The following ARHGAP21 variants were observed in gnomAD, a reference collection of about 807,000 sequenced individuals.
The protein encoded by ARHGAP21 is rho GTPase-activating protein 21.
In ARHGAP21, 38 loss-of-function variants were observed where a neutral mutation model predicts 164.6. That is an observed-to-expected ratio of 0.23 (90% CI 0.18 to 0.30). ARHGAP21 has a LOEUF of 0.30. Among genes scored for constraint, ARHGAP21 ranks in the 10% least tolerant of loss-of-function variants. The pLI is 1.00. For missense variants in ARHGAP21, 1,822 were observed against 2,370.7 expected, an observed-to-expected ratio of 0.77 and a Z score of 4.81; for synonymous variants, 766 against 857.9, an observed-to-expected ratio of 0.89 and a Z score of 1.87.
rs192096148 is a variant in ARHGAP21, at chr10:24,636,033, G to A, written c.269-930C>T. Among the ~76,000 whole-genome samples the A allele has an allele frequency of 1.0e-3, 153 of 152,284 alleles. 1 individual carries two copies. The highest frequency in any genetic ancestry group is 3.6e-3 in the African/African-American group (150 of 41,548). On this transcript the variant is annotated intron_variant, in intron 4 of 25. Coordinates refer to ENST00000396432, the MANE Select transcript of ARHGAP21 (RefSeq NM_020824.4). ...CAATGAGGAGAGCATGATCAACCCC[G>A]TAAGTCAGAATTTCACAAGCTGTTT...
chr10:24,635,415 T>C (rs971493077), intron 4 of ARHGAP21, among the ~76,000 whole-genome samples: 3 of 152,226 alleles, frequency 2.0e-5, no homozygotes, highest in Admixed American at 2.0e-4. Context: ...GTACTACTAC[T>C]ACCATTCATA....
chr10:24,585,019 T>C lies in ARHGAP21; in HGVS notation c.5270A>G (p.Gln1757Arg), dbSNP rs778138919. 2.5e-6 allele frequency: 4 copies of C among 1,613,876 alleles called. No individual in the cohort carries two copies. The highest frequency in any genetic ancestry group is 1.1e-5 in the South Asian group (1 of 91,084). The change falls in exon 26 of 26, where the codon CAG becomes CGG. Residue 1757 changes from glutamine to arginine, a missense_variant. Physicochemically the swap from Gln to Arg is conservative, Grantham distance 43. Around this residue, in one of 5 missense-constraint regions of ARHGAP21, gnomAD observed 117 missense variants for 193.2 expected, o/e 0.61. Transcript: ENST00000396432. The stretch of plus-strand genomic sequence containing the variant: ...TATTTTCGTTTTCCATGTGGGTTCC[T>C]GTTTTTCGGATTCGCCTCTGGTGGG... Reference protein sequence around the residue: ...LTPTRGESEKQEPTWKTKIAD... With the variant: ...LTPTRGESEKREPTWKTKIAD...
intron 4 of ARHGAP21, among the ~76,000 whole-genome samples, chr10:24,644,647 C>T (rs1441856442): frequency 2.0e-5 from 3 of 152,162 alleles, no homozygotes; most frequent in African/African-American, 7.2e-5. Flanking sequence ...AAATTTTCCA[C>T]TCCCCTTGCC....
chr10:24,664,723 C>CTTTT (rs10643427), intron 4 of ARHGAP21, among the ~76,000 whole-genome samples: 124,884 of 151,428 alleles, frequency 0.82, 51,803 homozygotes, highest in African/African-American at 0.92. Flanking sequence ...GCCATAAACC[C>CTTTT]TTGAGTGAAA....
chr10:24,595,072 G>A lies in ARHGAP21; in HGVS notation c.3787-33C>T, dbSNP rs545302973. 1.1e-5 allele frequency: 18 copies of A among 1,606,316 alleles called. No homozygotes were observed. The South Asian group carries it at 2.0e-4, about 18-fold the overall frequency. On this transcript the variant is annotated intron_variant, in intron 20 of 25. Coordinates refer to ENST00000396432, the MANE Select transcript of ARHGAP21 (RefSeq NM_020824.4). ...AGATTATTTTCACAATGGATTCAGA[G>A]GCTGAATTTTAGTTGTATCCCCCAA...
At chr10:24,610,014 C>T (rs2077185397) in intron 9 of ARHGAP21, among the ~76,000 whole-genome samples, 1 of 152,172 alleles carries the variant, frequency 6.6e-6, no homozygotes, top group African/African-American at 2.4e-5. Context: ...TTATGAACTA[C>T]TGGGGTTACA....
intron 2 of ARHGAP21, among the ~76,000 whole-genome samples, chr10:24,688,736 G>A (rs1036378736): frequency 3.9e-5 from 6 of 152,154 alleles, no homozygotes; most frequent in East Asian, 1.9e-4. Context: ...GCTATTTCCA[G>A]GAGAGCAAGG....
At position 24,641,665 on chromosome 10, in the gene ARHGAP21, C is replaced by T. The variant is rs182788109; in HGVS notation, c.269-6562G>A. Among the ~76,000 whole-genome samples the T allele has an allele frequency of 4.2e-3, 646 of 152,282 alleles. 4 individuals carry two copies. The highest frequency in any genetic ancestry group is 5.7e-3 in the Non-Finnish European group (391 of 68,022). On this transcript the variant is annotated intron_variant, in intron 4 of 25. Coordinates refer to ENST00000396432, the MANE Select transcript of ARHGAP21 (RefSeq NM_020824.4). ...CAAACCATGTTCTAACTGAATCATGCTAACCTTTCTTTCAACCCACACCTC... is the reference window on the plus strand; with the variant it reads ...CAAACCATGTTCTAACTGAATCATGTTAACCTTTCTTTCAACCCACACCTC...
Position 24,585,856 on chromosome 10 carries a change from CT to C in ARHGAP21, c.4432del (p.Ser1478AlafsTer16). The C allele has an allele frequency of 6.2e-7, 1 of 1,613,972 alleles. No individual in the cohort carries two copies. The highest frequency in any genetic ancestry group is 8.5e-7 in the Non-Finnish European group (1 of 1,179,878). ...TGTCGTGCTGGGGTCTTTCCTAGTG[CT>C]GTTTTCTTTGGCAATGATGATCTTC... ...KQKIIIAKEN[S>X]TRKDPSTTKD... On this transcript the variant is annotated frameshift_variant, in exon 26 of 26. Coordinates refer to ENST00000396432, the MANE Select transcript of ARHGAP21 (RefSeq NM_020824.4). LOFTEE classifies it low-confidence loss of function (END_TRUNC).
chr10:24,635,088 C>T lies in ARHGAP21; in HGVS notation c.284G>A (p.Arg95His), dbSNP rs781204657. 54 of 1,590,900 alleles carry T rather than the reference C, an allele frequency of 3.4e-5. 1 individual carries two copies. Among genetic ancestry groups the T allele is most frequent in the Middle Eastern group, 1.7e-4 (1 of 5,816 alleles). Residue 95 changes from arginine to histidine, a missense_variant, in exon 5 of 26, where the codon CGC becomes CAC. By Grantham distance (29) the Arg-to-His change is conservative. Transcript: ENST00000396432. ...NGNRGGKQRN[R>H]LEPMDTIFVK... ...AAATATGGTATCCATTGGTTCCAAG[C>T]GGTTTCTTTGTTTTCCTGTTACAGA...
In ARHGAP21 at chr10:24,722,056, T is replaced by G; in HGVS notation, c.-157A>C. 1 of 730,378 alleles carries G rather than the reference T, an allele frequency of 1.4e-6. No individual in the cohort carries two copies. The highest frequency in any genetic ancestry group is 2.4e-6 in the Non-Finnish European group (1 of 425,464). The allele number at this position is 730,378 out of a possible 1,614,324, so 45.2% of individuals were successfully genotyped here. On this transcript the variant is annotated 5_prime_UTR_variant, in exon 2 of 26. Coordinates refer to ENST00000396432, the MANE Select transcript of ARHGAP21 (RefSeq NM_020824.4). ...GACAACGTGCCAGGGAATAAAGGTT[T>G]TCAGGAAGCGCCTTCAAATGCCTCG...
chr10:24,639,977 T>C (rs1836822325), intron 4 of ARHGAP21, among the ~76,000 whole-genome samples: 2 of 151,738 alleles, frequency 1.3e-5, no homozygotes, highest in South Asian at 2.1e-4. Context: ...AAATTTGAAC[T>C]ATGACAGTTA....
chr10:24,590,200 C>T (rs2076273020), intron 24 of ARHGAP21: 4 of 1,442,208 alleles, frequency 2.8e-6, no homozygotes, highest in Admixed American at 2.5e-5. Flanking sequence ...AACTGGTAGA[C>T]CATACCATGC....
chr10:24,620,117 A>C lies in ARHGAP21; in HGVS notation c.1778T>G (p.Leu593Trp). The change falls in exon 9 of 26, where the codon TTG (leucine) becomes TGG (tryptophan). Residue 593 changes from leucine (L) to tryptophan (W), a missense_variant. Transcript: ENST00000396432. Reference protein sequence around the residue: ...FKKIPPDLKTLQSNRNFQTTC... With the variant: ...FKKIPPDLKTWQSNRNFQTTC... ...AGTCTGAAAATTTCTGTTTGACTGC[A>C]ATGTTTTTAGATCTGGTGGAATTTT... The C allele has an allele frequency of 6.2e-7, 1 of 1,613,900 alleles. No homozygotes were observed. The highest frequency in any genetic ancestry group is 8.5e-7 in the Non-Finnish European group (1 of 1,179,864).
intron 4 of ARHGAP21, among the ~76,000 whole-genome samples, chr10:24,661,643 G>A (rs1483007569): frequency 3.9e-5 from 6 of 152,114 alleles, no homozygotes; most frequent in African/African-American, 9.7e-5. Context: ...TGGAGGCTCC[G>A]ATTCCATTAA....
intron 24 of ARHGAP21, chr10:24,589,637 TTTC>T (rs1427852396): frequency 2.2e-5 from 5 of 225,240 alleles, no homozygotes; most frequent in Non-Finnish European, 4.2e-5. Flanking sequence ...GTGTAATAAT[TTTC>T]TTTTTTAATG....
Position 24,620,767 on chromosome 10 carries a change from A to G in ARHGAP21, c.1128T>C (p.Tyr376=), listed in dbSNP as rs1171285194. ...CTATGTGCTGATGGGAATTTGGCGA[A>G]TAGTGATTAACAGATACAGAGGGAG... ...VEAPSVSVNH[Y]SPNSHQHIDW... Residue 376 remains tyrosine, a synonymous_variant, in exon 9 of 26, where the codon TAT becomes TAC. Coordinates refer to ENST00000396432, the MANE Select transcript of ARHGAP21 (RefSeq NM_020824.4). 6.2e-7 allele frequency: 1 copy of G among 1,614,198 alleles called. No homozygotes were observed. The highest frequency in any genetic ancestry group is 8.5e-7 in the Non-Finnish European group (1 of 1,180,042).
In ARHGAP21 at chr10:24,607,745, C is replaced by T. The variant is rs368760932; in HGVS notation, c.2581G>A (p.Glu861Lys). ...LIRRQLSHDH[E>K]SVGPPSLDAQ... ...TTACAAAACCACCCTTTAGACGTAC[C>T]GTGGTCATGTGAGAGCTGACGGCGA... Residue 861 changes from glutamate to lysine, a missense_variant and splice_region_variant, in exon 10 of 26, where the codon GAA (glutamate) becomes AAA (lysine). Transcript: ENST00000396432. The T allele has an allele frequency of 5.6e-6, 9 of 1,613,350 alleles. No individual in the cohort carries two copies. Among genetic ancestry groups the T allele is most frequent in the South Asian group, 2.2e-5 (2 of 90,930 alleles).
At chr10:24,600,508 T>C (rs573154285) in intron 14 of ARHGAP21, 138 bp downstream of exon 14, 2 of 1,106,068 alleles carry the variant, frequency 1.8e-6, no homozygotes, top group South Asian at 1.8e-5. Flanking sequence ...TGTTTGAGTT[T>C]TCCTTTTCAT....
Sources: allele counts gnomAD v4.1 joint callset (sites outside exome capture counted in the v4.1 genomes callset), GRCh38; gene constraint gnomAD v4.1.1; regional missense constraint gnomAD v4.1.1; transcripts MANE v1.5; gene names NCBI Gene and HGNC (gene_info 2026-07-23, HGNC 2026-07-21).